Variants in CALN1 observed in about 807,000 individuals in gnomAD.
CALN1 encodes the protein calcium-binding protein 8.
CALN1 carries 17 observed loss-of-function variants against 30.6 expected under a neutral mutation model. The observed-to-expected ratio is 0.56, with a 90% CI of 0.38 to 0.83. CALN1 has a LOEUF of 0.83. Ranked by LOEUF, CALN1 falls within the 40% of genes least tolerant of loss-of-function variation. The probability of loss-of-function intolerance (pLI) is 0.00; values close to 1 mark genes in which losing one functional copy is unlikely to be tolerated. For missense variants in CALN1, 291 were observed against 354.9 expected (o/e 0.82, Z 1.45); for synonymous variants, 156 against 131.4 (o/e 1.19, Z -1.28).
At position 72,054,458 on chromosome 7, in the gene CALN1, C is replaced by CATATATACATACAT. The variant is rs1256251777; in HGVS notation, c.389-30690_389-30689insATGTATGTATATAT. On this transcript the variant is annotated intron_variant, in intron 4 of 6. Transcript: ENST00000395275. ...GTATATATATATATACATATATATA[C>CATATATACATACAT]ATATATATACATATATACATACATA... is the stretch of plus-strand genomic sequence containing the variant. Among the ~76,000 whole-genome samples, 568 of 129,008 alleles carry CATATATACATACAT rather than the reference C, an allele frequency of 4.4e-3. 11 individuals are homozygous for CATATATACATACAT. The highest frequency in any genetic ancestry group is 0.017 in the African/African-American group (538 of 32,170). 84.6% of individuals were successfully genotyped at this position (129,008 alleles called of 152,430 possible). A position where few individuals can be genotyped will look rare whatever the true frequency, so the allele number is the denominator to read the frequency against.
intron 3 of CALN1, among the ~76,000 whole-genome samples, chr7:72,136,271 T>C (rs937060744): frequency 2.6e-5 from 4 of 152,250 alleles, no homozygotes; most frequent in Admixed American, 2.0e-4. Flanking sequence ...CTGCAGCTTC[T>C]ACATGAGCAC....
At chr7:72,120,106 C>G (rs527683296) in intron 3 of CALN1, among the ~76,000 whole-genome samples, 57 of 152,054 alleles carry the variant, frequency 3.7e-4, no homozygotes, top group African/African-American at 1.4e-3. Context: ...CCTTGACCCC[C>G]AGTAGTCCCC....
intron 2 of CALN1, among the ~76,000 whole-genome samples, chr7:72,367,806 G>A (rs1405652454): frequency 1.3e-5 from 2 of 152,096 alleles, no homozygotes; most frequent in African/African-American, 2.4e-5. Flanking sequence ...ATGCACTCCA[G>A]CCCAGGTGAC....
intron 2 of CALN1, among the ~76,000 whole-genome samples, chr7:72,386,574 G>A (rs1205048675): frequency 3.9e-5 from 6 of 152,156 alleles, no homozygotes; most frequent in African/African-American, 1.4e-4. Context: ...TAAACAAGGG[G>A]AGAATTCTAG....
chr7:72,194,701 C>T (rs1224956431), intron 3 of CALN1, among the ~76,000 whole-genome samples: 2 of 150,056 alleles, frequency 1.3e-5, no homozygotes, highest in East Asian at 4.1e-4. Flanking sequence ...AAGCGATTCT[C>T]CTGCCTCGGC....
At chr7:72,215,211 G>A (rs1313786179) in intron 3 of CALN1, among the ~76,000 whole-genome samples, 2 of 152,140 alleles carry the variant, frequency 1.3e-5, no homozygotes, top group Non-Finnish European at 2.9e-5. Flanking sequence ...GATTGCAGAT[G>A]TGGCTACATC....
chr7:72,353,054 T>A (rs954408465), intron 2 of CALN1, among the ~76,000 whole-genome samples: 1 of 152,168 alleles, frequency 6.6e-6, no homozygotes, highest in African/African-American at 2.4e-5. Flanking sequence ...ATATAAAAAA[T>A]CTGAATATTC....
At chr7:72,337,430 AC>A (rs1333536718) in intron 2 of CALN1, among the ~76,000 whole-genome samples, 1 of 152,008 alleles carries the variant, frequency 6.6e-6, no homozygotes, top group Non-Finnish European at 1.5e-5. Flanking sequence ...GCGCACACAC[AC>A]ACACACACAC....
intron 3 of CALN1, among the ~76,000 whole-genome samples, chr7:72,118,768 C>A (rs1808173128): frequency 6.6e-6 from 1 of 152,136 alleles, no homozygotes; most frequent in South Asian, 2.1e-4. Flanking sequence ...TCAGGGCTGA[C>A]CCCTCTGGGA....
intron 2 of CALN1, among the ~76,000 whole-genome samples, chr7:72,317,853 T>A (rs2968536): frequency 1.3e-5 from 2 of 152,174 alleles, no homozygotes; most frequent in African/African-American, 4.8e-5. Flanking sequence ...ATCCAAAGAA[T>A]GTCCTCGCAA....
chr7:72,096,895 A>T (rs1235873319), intron 4 of CALN1, among the ~76,000 whole-genome samples: 2 of 152,216 alleles, frequency 1.3e-5, no homozygotes, highest in Non-Finnish European at 2.9e-5. Flanking sequence ...AATAGCAAAG[A>T]CCTGGAACCA....
At chr7:72,365,750 C>T (rs1803838357) in intron 2 of CALN1, among the ~76,000 whole-genome samples, 1 of 151,930 alleles carries the variant, frequency 6.6e-6, no homozygotes, top group Non-Finnish European at 1.5e-5. Flanking sequence ...TGTAAGATCA[C>T]GAATAATCAA....
intron 2 of CALN1, among the ~76,000 whole-genome samples, chr7:72,377,134 T>C (rs577168853): frequency 1.3e-5 from 2 of 152,144 alleles, no homozygotes; most frequent in Non-Finnish European, 2.9e-5. Context: ...TCCTCCAACG[T>C]TTTTCTCCTT....
At chr7:72,286,047 T>C (rs1469560476) in intron 2 of CALN1, among the ~76,000 whole-genome samples, 1 of 152,204 alleles carries the variant, frequency 6.6e-6, no homozygotes, top group African/African-American at 2.4e-5. Flanking sequence ...TGGAAGAAGC[T>C]TTCATAAAAT....
At chr7:72,272,615 ATG>A (rs1797071246) in intron 3 of CALN1, among the ~76,000 whole-genome samples, 1 of 152,164 alleles carries the variant, frequency 6.6e-6, no homozygotes, top group Admixed American at 6.5e-5. Flanking sequence ...ACATGCACAC[ATG>A]TGAGAGGCTG....
intron 5 of CALN1, among the ~76,000 whole-genome samples, chr7:71,856,549 G>A (rs577542247): frequency 6.6e-6 from 1 of 152,262 alleles, no homozygotes; most frequent in Non-Finnish European, 1.5e-5. Flanking sequence ...ACATCTAGAT[G>A]TGGAGGTAAA....
chr7:72,336,790 G>A (rs947864465), intron 2 of CALN1: 12 of 985,012 alleles, frequency 1.2e-5, no homozygotes, highest in African/African-American at 3.5e-5. Flanking sequence ...GCAGGGAGGG[G>A]GCGGTGCGGA....
chr7:72,333,959 T>A (rs1165623177), intron 2 of CALN1, among the ~76,000 whole-genome samples: 1 of 152,152 alleles, frequency 6.6e-6, no homozygotes, highest in Non-Finnish European at 1.5e-5. Flanking sequence ...CCAAAATACT[T>A]TTCCTAAGGA....
upstream of CALN1, among the ~76,000 whole-genome samples, chr7:72,415,981 T>G (rs1807408379): frequency 6.6e-6 from 1 of 152,256 alleles, no homozygotes. Flanking sequence ...TCCATTTCTT[T>G]TAAGGTTGTG....
Sources: allele counts gnomAD v4.1 joint callset (sites outside exome capture counted in the v4.1 genomes callset), GRCh38; gene constraint gnomAD v4.1.1; transcripts MANE v1.5; gene names NCBI Gene and HGNC (gene_info 2026-07-23, HGNC 2026-07-21).